AAMDC: variants seen among roughly 807,000 people sequenced by gnomAD.
The protein encoded by AAMDC is mth938 domain-containing protein.
In AAMDC, 16 loss-of-function variants were observed where a neutral mutation model predicts 15.5. That is an observed-to-expected ratio of 1.03 (90% confidence interval 0.70 to 1.57). The LOEUF (loss-of-function observed/expected upper bound fraction) is 1.57. Among genes scored for constraint, AAMDC ranks in the 40% most tolerant of loss-of-function variants. The pLI, the probability that AAMDC is intolerant of heterozygous loss-of-function variation, is 0.00. For synonymous variants in AAMDC, 51 were observed against 51.6 expected (o/e 0.99, Z 0.05); for missense variants, 141 against 144.9 (o/e 0.97, Z 0.14).
chr11:77,896,686 C>T (rs74424895), intron 5 of AAMDC, among the ~76,000 whole-genome samples: 9 of 143,412 alleles, frequency 6.3e-5, no homozygotes, highest in Admixed American at 1.4e-4. Flanking sequence ...ACTCAGAATA[C>T]AGAATAGAAA....
chr11:77,871,636 T>C (rs997424973), intron 3 of AAMDC, among the ~76,000 whole-genome samples: 1 of 152,216 alleles, frequency 6.6e-6, no homozygotes, highest in African/African-American at 2.4e-5. Flanking sequence ...ATACCTATTT[T>C]ACAAGGGAAG....
At chr11:77,857,108 G>A (rs750058776) in intron 2 of AAMDC, among the ~76,000 whole-genome samples, 4 of 152,120 alleles carry the variant, frequency 2.6e-5, no homozygotes, top group South Asian at 2.1e-4. Flanking sequence ...GCTTACTGGC[G>A]TTGTCTTTAA....
downstream of AAMDC, among the ~76,000 whole-genome samples, chr11:77,905,443 G>A (rs990792127): frequency 6.6e-6 from 1 of 151,282 alleles, no homozygotes; most frequent in African/African-American, 2.4e-5. Flanking sequence ...TGGATGATAA[G>A]CTGAGACTCT....
chr11:77,891,592 G>T lies in AAMDC; in HGVS notation c.329-8979G>T, dbSNP rs938247940. ...CCACTCAGAGGAACAGCCTAGCCCA[G>T]CTGCTCCACTGGTCAAAGAAGATCA... On this transcript the variant is annotated intron_variant, in intron 5 of 5. Coordinates refer to the AAMDC transcript ENST00000304716. The T allele has an allele frequency of 3.8e-6, 6 of 1,576,922 alleles. No individual in the cohort carries two copies. In the African/African-American group the frequency reaches 8.1e-5, roughly 21 times the overall value.
chr11:77,861,368 A>T (rs1950868761), intron 2 of AAMDC, among the ~76,000 whole-genome samples: 1 of 152,224 alleles, frequency 6.6e-6, no homozygotes, highest in African/African-American at 2.4e-5. Flanking sequence ...CCCCTTGGAT[A>T]GTGACAGATC....
At chr11:77,904,001 G>T (rs1370911874), downstream of AAMDC, among the ~76,000 whole-genome samples, 1 of 152,190 alleles carries the variant, frequency 6.6e-6, no homozygotes, top group Non-Finnish European at 1.5e-5. Flanking sequence ...TTCCTTAACT[G>T]TGGTTCTTTT....
At chr11:77,868,968 A>G in intron 2 of AAMDC, 1 of 281,982 alleles carries the variant, frequency 3.5e-6, no homozygotes, top group Non-Finnish European at 6.8e-6. Context: ...ATTTGTTTAC[A>G]ACAATGCCAA....
downstream of AAMDC, chr11:77,901,445 A>G (rs780037785): frequency 2.6e-5 from 42 of 1,613,832 alleles, no homozygotes; most frequent in Admixed American, 3.3e-5. Context: ...TGCTGTTACT[A>G]TAAGTTGCAA....
downstream of AAMDC, among the ~76,000 whole-genome samples, chr11:77,905,640 T>C (rs1297787829): frequency 2.6e-5 from 4 of 152,182 alleles, no homozygotes; most frequent in Admixed American, 6.5e-5. Context: ...ACATCTGCAT[T>C]TGTGAAAGAT....
chr11:77,858,414 C>T (rs1037042324), intron 2 of AAMDC, among the ~76,000 whole-genome samples: 1 of 146,814 alleles, frequency 6.8e-6, no homozygotes, highest in Non-Finnish European at 1.5e-5. Flanking sequence ...GGCTCGAATG[C>T]CTGCTGTGCT....
At chr11:77,854,680 C>T (rs1822423949) in intron 2 of AAMDC, among the ~76,000 whole-genome samples, 1 of 152,154 alleles carries the variant, frequency 6.6e-6, no homozygotes, top group Non-Finnish European at 1.5e-5. Flanking sequence ...CGTGGGCTGG[C>T]ATTGAGTGCC....
At chr11:77,883,399 A>C (rs1951869498) in intron 5 of AAMDC, among the ~76,000 whole-genome samples, 1 of 152,210 alleles carries the variant, frequency 6.6e-6, no homozygotes, top group South Asian at 2.1e-4. Context: ...CAAATGAAAA[A>C]AAATATTTTT....
At chr11:77,904,579 AGTCCCAT>A (rs1952883601), downstream of AAMDC, among the ~76,000 whole-genome samples, 1 of 152,232 alleles carries the variant, frequency 6.6e-6, no homozygotes, top group South Asian at 2.1e-4. Flanking sequence ...AGTGCTCAAG[AGTCCCAT>A]GTATCTGGTG....
intron 2 of AAMDC, among the ~76,000 whole-genome samples, chr11:77,851,789 T>A (rs114956708): frequency 0.013 from 1,942 of 152,280 alleles, 45 homozygotes; most frequent in African/African-American, 0.043. Context: ...GATGCTGGTA[T>A]CATGCTTGTA....
chr11:77,830,470 C>G (rs79886457), intron 1 of AAMDC, among the ~76,000 whole-genome samples: 2 of 149,556 alleles, frequency 1.3e-5, no homozygotes, highest in African/African-American at 2.5e-5. Context: ...AAACTGCTGA[C>G]GACACCCACC....
intron 5 of AAMDC, among the ~76,000 whole-genome samples, chr11:77,893,244 T>G (rs1377169129): frequency 2.6e-5 from 4 of 152,220 alleles, no homozygotes; most frequent in Non-Finnish European, 5.9e-5. Context: ...AATACATGTA[T>G]TCTACAAAAT....
At chr11:77,878,889 G>T in intron 5 of AAMDC, 1 of 1,273,552 alleles carries the variant, frequency 7.9e-7, no homozygotes, top group Non-Finnish European at 1.1e-6. Context: ...CTTCAGGCTT[G>T]GCTCATTCTG....
chr11:77,896,514 C>T lies in AAMDC; in HGVS notation c.329-4057C>T, dbSNP rs544943850. ...CTAAAAATACAAAATTAGCCGGGTA[C>T]AGTGGCGCATGCCTGTAATCCCAGC... On this transcript the variant is annotated intron_variant, in intron 5 of 5. Transcript: ENST00000304716. 4.6e-5 allele frequency among the ~76,000 whole-genome samples: 7 copies of T among 151,942 alleles called. No individual in the cohort carries two copies. The South Asian group carries it at 1.2e-3, about 27-fold the overall frequency.
chr11:77,836,920 G>A (rs527408222), intron 1 of AAMDC, among the ~76,000 whole-genome samples: 17 of 152,136 alleles, frequency 1.1e-4, no homozygotes, highest in African/African-American at 3.9e-4. Context: ...AGCCAAGATC[G>A]CGCCATTGCA....
Sources: gnomAD v4.1 joint callset for allele counts (sites outside exome capture counted in the v4.1 genomes callset) on GRCh38, gnomAD v4.1.1 for gene constraint, MANE v1.5 for transcripts, NCBI Gene and HGNC (gene_info 2026-07-23, HGNC 2026-07-21) for gene names.